Variants in BBS9 observed in about 807,000 individuals in gnomAD.
BBS9 encodes Bardet-Biedl syndrome 9, also known as protein PTHB1.
A neutral mutation model predicts 117.7 loss-of-function variants in BBS9; 89 were observed. That is an observed-to-expected ratio of 0.76 (90% CI 0.64 to 0.90). BBS9 has a LOEUF of 0.90. Among genes scored for constraint, BBS9 ranks in the 40% least tolerant of loss-of-function variants. The pLI, the probability that BBS9 is intolerant of heterozygous loss-of-function variation, is 0.00. For synonymous variants in BBS9, 379 were observed against 370.9 expected (o/e 1.02, Z -0.25); for missense variants, 982 against 1,042.2 (o/e 0.94, Z 0.80).
At chr7:33,290,123 G>A (rs777419756) in intron 9 of BBS9, among the ~76,000 whole-genome samples, 2 of 151,884 alleles carry the variant, frequency 1.3e-5, no homozygotes, top group South Asian at 2.1e-4. Flanking sequence ...ATTGAATGTC[G>A]CAATAACTTA....
At chr7:33,573,563 G>C (rs563666975) in intron 21 of BBS9, among the ~76,000 whole-genome samples, 88 of 152,140 alleles carry the variant, frequency 5.8e-4, no homozygotes, top group Middle Eastern at 3.4e-3. Flanking sequence ...TCTCATTTAA[G>C]TAGTTTCAAC....
intron 21 of BBS9, among the ~76,000 whole-genome samples, chr7:33,558,646 C>A (rs1190797807): frequency 1.1e-4 from 17 of 151,822 alleles, no homozygotes; most frequent in East Asian, 1.9e-4. Flanking sequence ...TCTCTTAGAC[C>A]AAATGAAAGG....
At chr7:33,230,706 G>T (rs1221489022) in intron 5 of BBS9, among the ~76,000 whole-genome samples, 1 of 152,130 alleles carries the variant, frequency 6.6e-6, no homozygotes, top group Non-Finnish European at 1.5e-5. Context: ...ACTTCACTAA[G>T]GATAATGGCC....
At chr7:33,234,543 T>A (rs915557408) in intron 5 of BBS9, among the ~76,000 whole-genome samples, 1 of 152,136 alleles carries the variant, frequency 6.6e-6, no homozygotes, top group Non-Finnish European at 1.5e-5. Flanking sequence ...ACAATATTTT[T>A]AAATATATTC....
At chr7:33,214,600 T>C (rs967228599) in intron 5 of BBS9, among the ~76,000 whole-genome samples, 3 of 152,196 alleles carry the variant, frequency 2.0e-5, no homozygotes, top group Non-Finnish European at 4.4e-5. Context: ...AGGCTTCTAA[T>C]CTGCCATCTT....
chr7:33,387,280 TA>T (rs1826199468), intron 18 of BBS9, among the ~76,000 whole-genome samples: 1 of 152,126 alleles, frequency 6.6e-6, no homozygotes, highest in East Asian at 1.9e-4. Context: ...GTTTAAGAGG[TA>T]TTTGTATTAA....
At chr7:33,313,984 G>A (rs1809899372) in intron 9 of BBS9, among the ~76,000 whole-genome samples, 1 of 152,166 alleles carries the variant, frequency 6.6e-6, no homozygotes, top group Admixed American at 6.5e-5. Flanking sequence ...AGAATGAGCT[G>A]TGTATGTGGA....
intron 19 of BBS9, among the ~76,000 whole-genome samples, chr7:33,395,726 G>A (rs185396261): frequency 6.6e-6 from 1 of 152,228 alleles, no homozygotes; most frequent in East Asian, 1.9e-4. Flanking sequence ...CTGTTTATTT[G>A]TATGGTATTG....
intron 19 of BBS9, among the ~76,000 whole-genome samples, chr7:33,500,070 T>C (rs1845234798): frequency 6.6e-6 from 1 of 152,244 alleles, no homozygotes; most frequent in Non-Finnish European, 1.5e-5. Context: ...AACCTTAGTA[T>C]GTTAACTTCC....
intron 17 of BBS9, among the ~76,000 whole-genome samples, chr7:33,374,631 G>C (rs530508599): frequency 6.6e-6 from 1 of 152,280 alleles, no homozygotes; most frequent in African/African-American, 2.4e-5. Flanking sequence ...GCCGGGCGTG[G>C]TGGCTCACGC....
At chr7:33,330,505 G>A (rs2128608982) in intron 9 of BBS9, among the ~76,000 whole-genome samples, 1 of 152,154 alleles carries the variant, frequency 6.6e-6, no homozygotes, top group East Asian at 1.9e-4. Flanking sequence ...CCCTTCCTTT[G>A]TAGCTTCCTC....
At chr7:33,545,994 C>A (rs954608983) in intron 21 of BBS9, among the ~76,000 whole-genome samples, 2 of 118,210 alleles carry the variant, frequency 1.7e-5, no homozygotes, top group South Asian at 5.8e-4. Flanking sequence ...AGTGCAGTAG[C>A]GTGATTTTGG....
chr7:33,290,112 G>A (rs903230980), intron 9 of BBS9, among the ~76,000 whole-genome samples: 1 of 152,022 alleles, frequency 6.6e-6, no homozygotes, highest in African/African-American at 2.4e-5. Flanking sequence ...TCGCATTTAG[G>A]ATTGAATGTC....
At chr7:33,375,733 A>G (rs1292932332) in intron 17 of BBS9, among the ~76,000 whole-genome samples, 1 of 151,504 alleles carries the variant, frequency 6.6e-6, no homozygotes, top group Non-Finnish European at 1.5e-5. Flanking sequence ...TGGGACTTAC[A>G]GGTGTGCACC....
intron 21 of BBS9, among the ~76,000 whole-genome samples, chr7:33,542,465 T>C (rs189195143): frequency 3.4e-4 from 52 of 152,056 alleles, no homozygotes; most frequent in African/African-American, 1.1e-3. Context: ...TTCGTAGTCT[T>C]TTATCCCTTG....
intron 1 of BBS9, among the ~76,000 whole-genome samples, chr7:33,143,182 G>A (rs1791791565): frequency 6.6e-6 from 1 of 152,118 alleles, no homozygotes; most frequent in South Asian, 2.1e-4. Context: ...TGTTAGCCAG[G>A]ATGGTCTCGA....
At chr7:33,237,328 G>A (rs1206219778) in intron 5 of BBS9, among the ~76,000 whole-genome samples, 1 of 152,052 alleles carries the variant, frequency 6.6e-6, no homozygotes, top group African/African-American at 2.4e-5. Context: ...ACAGACTTTT[G>A]TTCTTCTTTG....
intron 21 of BBS9, among the ~76,000 whole-genome samples, chr7:33,588,503 T>C (rs1278503123): frequency 6.6e-6 from 1 of 152,126 alleles, no homozygotes; most frequent in African/African-American, 2.4e-5. Context: ...TTCCAAGACT[T>C]AGGATACTGT....
intron 9 of BBS9, among the ~76,000 whole-genome samples, chr7:33,336,219 C>T (rs1815326787): frequency 6.6e-6 from 1 of 152,164 alleles, no homozygotes; most frequent in African/African-American, 2.4e-5. Context: ...AATAATTAAG[C>T]TTTTTTCCCG....
Sources: allele counts gnomAD v4.1 joint callset (sites outside exome capture counted in the v4.1 genomes callset), GRCh38; gene constraint gnomAD v4.1.1; transcripts MANE v1.5; gene names NCBI Gene and HGNC (gene_info 2026-07-23, HGNC 2026-07-21).